RPS20: variants seen among roughly 807,000 people sequenced by gnomAD.
RPS20 encodes the protein small ribosomal subunit protein uS10.
Under a neutral mutation model 15.3 loss-of-function variants are expected in RPS20, and 3 were observed. That is an observed-to-expected ratio of 0.20 (90% CI 0.09 to 0.51). RPS20 has a LOEUF of 0.51. RPS20 is among the 20% of genes least tolerant of loss of function. The probability of loss-of-function intolerance (pLI) is 0.96; values close to 1 mark genes in which losing one functional copy is unlikely to be tolerated. For missense variants in RPS20, 67 were observed against 145.9 expected, an observed-to-expected ratio of 0.46 and a Z score of 2.79; for synonymous variants, 62 against 47.8, an observed-to-expected ratio of 1.30 and a Z score of -1.23.
At chr8:56,072,729 T>C (rs1809800330), downstream of RPS20, 2 of 252,644 alleles carry the variant, frequency 7.9e-6, no homozygotes, top group Non-Finnish European at 6.2e-6. Flanking sequence ...TATTAGTTAC[T>C]AGCTTTTTAA....
At chr8:56,074,261 G>A (rs754791768) in intron 1 of RPS20, 102 bp from the exon 2 acceptor site, 2 of 1,527,118 alleles carry the variant, frequency 1.3e-6, no homozygotes, top group African/African-American at 1.4e-5. Context: ...CACCATTTCA[G>A]GAGCGCCTTT....
At chr8:56,069,776 T>C, downstream of RPS20, 1 of 1,550,812 alleles carries the variant, frequency 6.4e-7, no homozygotes, top group Middle Eastern at 1.7e-4. Context: ...AATACACTTC[T>C]CAAAGTGTAC....
chr8:56,073,415 GGGTTGAAAATGCCA>G (rs1563347738), intron 3 of RPS20, 143 bp from the exon 4 acceptor site: 1 of 686,358 alleles, frequency 1.5e-6, no homozygotes, highest in African/African-American at 1.8e-5. Flanking sequence ...CAGGTACCAT[GGGTTGAAAATGCCA>G]GGTCTGTTTT....
At chr8:56,073,455 C>T (rs1809826957) in intron 3 of RPS20, 183 bp from the exon 4 acceptor site, 2 of 635,864 alleles carry the variant, frequency 3.1e-6, no homozygotes, top group South Asian at 1.9e-5. Flanking sequence ...TGCTAGGACA[C>T]CACCCTTAGA....
downstream of RPS20, among the ~76,000 whole-genome samples, chr8:56,072,608 A>G (rs767239283): frequency 3.2e-4 from 45 of 141,682 alleles, no homozygotes; most frequent in Admixed American, 1.3e-3. Context: ...CACTGAAAAT[A>G]TAAGTATTTT....
At chr8:56,070,379 C>CTT (rs1809718462), downstream of RPS20, among the ~76,000 whole-genome samples, 1 of 152,184 alleles carries the variant, frequency 6.6e-6, no homozygotes, top group South Asian at 2.1e-4. Flanking sequence ...CTTCTGTACT[C>CTT]TTGCCTGTTC....
rs1486068493 is a variant in RPS20, at chr8:56,074,299, C to T, written c.3+82G>A. On this transcript the variant is annotated intron_variant, in intron 1 of 3. Transcript: ENST00000009589. ...GCCCCTACACGCCCCGGCATCTGCCCTCAGGAGCACGAACTCGAAACCGGG... is the reference window on the plus strand; with the variant it reads ...GCCCCTACACGCCCCGGCATCTGCCTTCAGGAGCACGAACTCGAAACCGGG... 10 of 1,544,730 alleles carry T rather than the reference C, an allele frequency of 6.5e-6. No homozygotes were observed. The Admixed American group carries it at 9.4e-5, about 15-fold the overall frequency.
chr8:56,074,260 A>G, intron 1 of RPS20, 101 bp from the exon 2 acceptor site: 1 of 1,526,684 alleles, frequency 6.6e-7, no homozygotes, highest in Non-Finnish European at 8.9e-7. Flanking sequence ...CCACCATTTC[A>G]GGAGCGCCTT....
intron 1 of RPS20, 105 bp from the exon 2 acceptor site, chr8:56,074,264 G>A: frequency 2.6e-6 from 4 of 1,520,312 alleles, no homozygotes; most frequent in Non-Finnish European, 3.6e-6. Flanking sequence ...CATTTCAGGA[G>A]CGCCTTTCCG....
At chr8:56,072,083 AAAC>A (rs1462263844), downstream of RPS20, among the ~76,000 whole-genome samples, 2 of 152,136 alleles carry the variant, frequency 1.3e-5, no homozygotes, top group Admixed American at 6.5e-5. Context: ...CCTCTACAAA[AAAC>A]AATTAGCTGG....
At chr8:56,069,272 T>C (rs1211513125), downstream of RPS20, among the ~76,000 whole-genome samples, 1 of 152,034 alleles carries the variant, frequency 6.6e-6, no homozygotes, top group African/African-American at 2.4e-5. Context: ...AGACTGAGTT[T>C]AGCTCTATTG....
chr8:56,073,015 C>G (rs777901837), downstream of RPS20: 1 of 1,547,696 alleles, frequency 6.5e-7, no homozygotes, highest in Non-Finnish European at 8.7e-7. Flanking sequence ...CTTTATATTC[C>G]TAAAATCTGC....
chr8:56,073,949 G>C (rs541528301), intron 2 of RPS20, 111 bp downstream of exon 2: 2 of 1,153,026 alleles, frequency 1.7e-6, no homozygotes, highest in Admixed American at 1.7e-5. Context: ...ACTTTTTTAA[G>C]TAACTTGTCA....
At chr8:56,070,716 G>T (rs375998869), downstream of RPS20, among the ~76,000 whole-genome samples, 10 of 148,718 alleles carry the variant, frequency 6.7e-5, no homozygotes, top group East Asian at 9.8e-4. Context: ...GTGACACAGC[G>T]AGACTGTTTC....
chr8:56,071,878 A>AT (rs1809770027), downstream of RPS20, among the ~76,000 whole-genome samples: 1 of 152,222 alleles, frequency 6.6e-6, no homozygotes, highest in Admixed American at 6.5e-5. Context: ...TAGATGTTCC[A>AT]TTTTTCCACA....
At chr8:56,069,799 G>A (rs902385866), downstream of RPS20, 18 of 1,547,940 alleles carry the variant, frequency 1.2e-5, no homozygotes, top group Non-Finnish European at 1.6e-5. Context: ...CTGGCCCTCT[G>A]TATCCATGGG....
intron 1 of RPS20, 104 bp downstream of exon 1, chr8:56,074,277 C>T (rs1171128421): frequency 3.3e-6 from 5 of 1,531,616 alleles, no homozygotes; most frequent in Non-Finnish European, 4.4e-6. Context: ...CCTTTCCGCC[C>T]CTACACGCCC....
chr8:56,071,110 T>A (rs1809741625), downstream of RPS20, among the ~76,000 whole-genome samples: 1 of 152,278 alleles, frequency 6.6e-6, no homozygotes, highest in African/African-American at 2.4e-5. Context: ...CGTATAGCTT[T>A]AATCCAACAC....
chr8:56,074,436 G>C lies in RPS20; in HGVS notation c.-53C>G. ...ACTTGTTCCTCGGCGAGAGCGAACA[G>C]CGGTGAGTCAGGAGCAGGAGCGTGC... On this transcript the variant is annotated 5_prime_UTR_variant, in exon 1 of 4. Transcript: ENST00000009589. 6.5e-7 allele frequency: 1 copy of C among 1,543,916 alleles called. No homozygotes were observed. The highest frequency in any genetic ancestry group is 1.9e-5 in the Admixed American group (1 of 52,644).
Sources: gnomAD v4.1 joint callset for allele counts (sites outside exome capture counted in the v4.1 genomes callset) on GRCh38, gnomAD v4.1.1 for gene constraint, MANE v1.5 for transcripts, NCBI Gene and HGNC (gene_info 2026-07-23, HGNC 2026-07-21) for gene names.